Variants in NAALAD2 observed in about 807,000 individuals in gnomAD.
NAALAD2 encodes N-acetylated alpha-linked acidic dipeptidase 2.
In NAALAD2, 89 loss-of-function variants were observed where a neutral mutation model predicts 95.6. That is an observed-to-expected ratio of 0.93 (90% CI 0.78 to 1.11). The LOEUF (loss-of-function observed/expected upper bound fraction) is 1.11, where lower values mean the gene tolerates loss of function less well. Ranked by LOEUF, NAALAD2 falls within the 50% of genes least tolerant of loss-of-function variation. The pLI, the probability that NAALAD2 is intolerant of heterozygous loss-of-function variation, is 0.00. For synonymous variants in NAALAD2, 264 were observed against 294.4 expected (o/e 0.90, Z 1.06); for missense variants, 894 against 872.4 (o/e 1.02, Z -0.31).
intron 15 of NAALAD2, among the ~76,000 whole-genome samples, chr11:90,177,599 T>C (rs1401440419): frequency 5.1e-5 from 3 of 59,162 alleles, no homozygotes; most frequent in African/African-American, 1.9e-4. Context: ...TTTTTTTTTT[T>C]TTTTTTTTTT....
intron 5 of NAALAD2, among the ~76,000 whole-genome samples, chr11:90,151,690 T>G (rs1951891241): frequency 6.6e-6 from 1 of 152,210 alleles, no homozygotes; most frequent in Non-Finnish European, 1.5e-5. Context: ...ATCCATCTTC[T>G]GCTACAATAC....
intron 15 of NAALAD2, among the ~76,000 whole-genome samples, chr11:90,176,803 C>T (rs1002017968): frequency 2.6e-5 from 4 of 152,066 alleles, no homozygotes; most frequent in African/African-American, 9.7e-5. Flanking sequence ...ATATCACTTG[C>T]AAATTTGACT....
rs758599818 is a variant in NAALAD2 at position 90,177,880 on chromosome 11, G to GT, written c.1622dup (p.Tyr542ValfsTer6). On this transcript the variant is annotated frameshift_variant, in exon 16 of 19. Transcript: ENST00000534061. LOFTEE classifies it high-confidence loss of function. ...AACAGATAAGTACAGCAGCTACCCA[G>GT]TGTACCACACAATTTATGAGACATT... 153 of 1,613,216 alleles carry GT rather than the reference G, an allele frequency of 9.5e-5. No homozygotes were observed. Among genetic ancestry groups the GT allele is most frequent in the Non-Finnish European group, 1.3e-4 (152 of 1,179,808 alleles).
intron 16 of NAALAD2, 82 bp from the exon 17 acceptor site, chr11:90,181,538 T>C (rs1952967733): frequency 2.2e-6 from 2 of 896,662 alleles, no homozygotes; most frequent in Non-Finnish European, 3.6e-6. Context: ...TGTGGTCATA[T>C]CAATCTGGAA....
intron 2 of NAALAD2, among the ~76,000 whole-genome samples, chr11:90,142,399 G>T (rs868076201): frequency 1.3e-5 from 2 of 152,074 alleles, no homozygotes; most frequent in African/African-American, 4.8e-5. Context: ...TTATTTTTAT[G>T]AAATGTGCTT....
At chr11:90,172,662 CA>C (rs1468923455) in intron 13 of NAALAD2, among the ~76,000 whole-genome samples, 1 of 152,050 alleles carries the variant, frequency 6.6e-6, no homozygotes, top group Non-Finnish European at 1.5e-5. Context: ...TTTTGTATTA[CA>C]AAATTTGTTT....
chr11:90,140,404 A>C (rs1322243299), intron 2 of NAALAD2, among the ~76,000 whole-genome samples: 1 of 152,084 alleles, frequency 6.6e-6, no homozygotes, highest in Non-Finnish European at 1.5e-5. Flanking sequence ...ACAGTAAATG[A>C]TAAAATACTT....
intron 6 of NAALAD2, among the ~76,000 whole-genome samples, chr11:90,157,864 G>T (rs1172672422): frequency 6.6e-6 from 1 of 151,946 alleles, no homozygotes; most frequent in Non-Finnish European, 1.5e-5. Flanking sequence ...GGGCCTACAG[G>T]CATGCGCCAC....
chr11:90,159,894 C>T (rs1018159145), intron 8 of NAALAD2, among the ~76,000 whole-genome samples: 5 of 108,064 alleles, frequency 4.6e-5, no homozygotes, highest in East Asian at 4.5e-4. Flanking sequence ...GCGGAGGTTG[C>T]GGTGAGCTGA....
intron 18 of NAALAD2, among the ~76,000 whole-genome samples, chr11:90,185,259 CATATT>C (rs1857101315): frequency 6.6e-6 from 1 of 151,704 alleles, no homozygotes; most frequent in Non-Finnish European, 1.5e-5. Flanking sequence ...CTATATTTAA[CATATT>C]ATAAATTTAC....
rs1160828191 is a variant in NAALAD2 at position 90,155,080 on chromosome 11, GTA to G, written c.796+2604_796+2605del. On this transcript the variant is annotated intron_variant, in intron 6 of 18. Transcript: ENST00000534061. The stretch of plus-strand genomic sequence containing the variant: ...TACATATACATATGTATATATGTGT[GTA>G]TATATATTATATACGTATACATATG... Among the ~76,000 whole-genome samples, 7 of 119,858 alleles carry G rather than the reference GTA, an allele frequency of 5.8e-5. No homozygotes were observed. In the East Asian group the frequency reaches 6.5e-4, roughly 11 times the overall value. 78.6% of individuals were successfully genotyped at this position (119,858 alleles called of 152,430 possible).
chr11:90,175,351 T>C (rs1952758674), intron 14 of NAALAD2, among the ~76,000 whole-genome samples: 1 of 152,232 alleles, frequency 6.6e-6, no homozygotes, highest in Non-Finnish European at 1.5e-5. Context: ...GTTATGTTAT[T>C]AATGAACATG....
intron 11 of NAALAD2, among the ~76,000 whole-genome samples, chr11:90,168,354 C>T (rs1015606516): frequency 6.6e-6 from 1 of 152,168 alleles, no homozygotes; most frequent in Non-Finnish European, 1.5e-5. Context: ...ATCAAGAACC[C>T]ACCAATTCTG....
chr11:90,187,896 ATTG>A (rs770980325), intron 18 of NAALAD2, among the ~76,000 whole-genome samples: 5 of 152,226 alleles, frequency 3.3e-5, no homozygotes, highest in Admixed American at 6.5e-5. Context: ...ATATGTATGT[ATTG>A]TTAAAACAAA....
chr11:90,191,276 G>A (rs1291617968), intron 18 of NAALAD2, among the ~76,000 whole-genome samples: 1 of 150,582 alleles, frequency 6.6e-6, no homozygotes, highest in East Asian at 1.9e-4. Flanking sequence ...CTTACGGGAC[G>A]CTGAGCAATT....
chr11:90,166,688 AGCCAGGC>A (rs1191500905), intron 11 of NAALAD2, among the ~76,000 whole-genome samples: 1 of 151,928 alleles, frequency 6.6e-6, no homozygotes, highest in African/African-American at 2.4e-5. Flanking sequence ...ACAAAAAATA[AGCCAGGC>A]GCAGTGGTGG....
rs761440603 is a variant in NAALAD2, at chr11:90,158,252, G to T, written c.890+14G>T. 3 of 1,571,926 alleles carry T rather than the reference G, an allele frequency of 1.9e-6. No homozygotes were observed. The highest frequency in any genetic ancestry group is 2.6e-6 in the Non-Finnish European group (3 of 1,143,458). On this transcript the variant is annotated intron_variant, in intron 7 of 18. Coordinates refer to ENST00000534061, the MANE Select transcript of NAALAD2 (RefSeq NM_005467.4). ...AATATTATTACGGTATAGTTTTCTT[G>T]TTGGATATGAGATTAAGATATTTTG... is the stretch of plus-strand genomic sequence containing the variant.
intron 2 of NAALAD2, among the ~76,000 whole-genome samples, chr11:90,142,877 T>A (rs1951654577): frequency 6.6e-6 from 1 of 152,102 alleles, no homozygotes; most frequent in Admixed American, 6.6e-5. Context: ...TTGGCTATAC[T>A]TTTTAGTGGA....
intron 6 of NAALAD2, among the ~76,000 whole-genome samples, chr11:90,153,485 G>T (rs1951945083): frequency 6.6e-6 from 1 of 152,022 alleles, no homozygotes; most frequent in African/African-American, 2.4e-5. Context: ...TCTAACAGAT[G>T]CATACAACTT....
Sources: gnomAD v4.1 joint callset for allele counts (sites outside exome capture counted in the v4.1 genomes callset) on GRCh38, gnomAD v4.1.1 for gene constraint, MANE v1.5 for transcripts, NCBI Gene and HGNC (gene_info 2026-07-23, HGNC 2026-07-21) for gene names.